The following TIPRL variants were observed in gnomAD, a reference collection of about 807,000 sequenced individuals.
TIPRL encodes the protein TIP41-like protein.
TIPRL carries 10 observed loss-of-function variants against 32.3 expected under a neutral mutation model. That is an observed-to-expected ratio of 0.31 (90% CI 0.19 to 0.52). The LOEUF (loss-of-function observed/expected upper bound fraction) is 0.52, where lower values mean the gene tolerates loss of function less well. TIPRL is among the 20% of genes least tolerant of loss of function. The probability of loss-of-function intolerance (pLI) is 0.96; values close to 1 mark genes in which losing one functional copy is unlikely to be tolerated. For missense variants in TIPRL, 250 were observed against 328.1 expected, an observed-to-expected ratio of 0.76 and a Z score of 1.84; for synonymous variants, 100 against 114.0, an observed-to-expected ratio of 0.88 and a Z score of 0.78.
chr1:168,196,684 CTTGT>C (rs1553279464), intron 5 of TIPRL, 42 bp downstream of exon 5: 6 of 1,380,632 alleles, frequency 4.3e-6, no homozygotes, highest in Non-Finnish European at 6.0e-6. Flanking sequence ...TGATACTGGG[CTTGT>C]TTGTGTTGTT....
chr1:168,199,790 A>G (rs1700190925), intron 6 of TIPRL, 113 bp from the exon 7 acceptor site: 2 of 1,032,062 alleles, frequency 1.9e-6, no homozygotes, highest in African/African-American at 1.6e-5. Flanking sequence ...ACATATGCAT[A>G]TATTGCACCT....
chr1:168,188,318 A>G (rs866969989), intron 3 of TIPRL, among the ~76,000 whole-genome samples: 2 of 152,204 alleles, frequency 1.3e-5, no homozygotes, highest in Non-Finnish European at 2.9e-5. Flanking sequence ...GAATATTCAT[A>G]GTCAAGGACA....
rs149141113 is a variant in TIPRL, at chr1:168,197,052, G to A, written c.612+410G>A. On this transcript the variant is annotated intron_variant, in intron 5 of 6. Transcript: ENST00000367833. ...GCCAAGGCCGGGCGCCGTAGCTCACGCCTGTAATCCCGGCACTTTGGGAGG... is the reference window on the plus strand; with the variant it reads ...GCCAAGGCCGGGCGCCGTAGCTCACACCTGTAATCCCGGCACTTTGGGAGG... 6.6e-4 allele frequency among the ~76,000 whole-genome samples: 101 copies of A among 152,292 alleles called. 1 individual carries two copies. In the East Asian group the frequency reaches 0.012, roughly 18 times the overall value.
At chr1:168,199,095 C>A in intron 6 of TIPRL, 114 bp downstream of exon 6, 2 of 711,464 alleles carry the variant, frequency 2.8e-6, no homozygotes, top group South Asian at 1.8e-5. Context: ...CCCATTCATT[C>A]ACCTAATGGG....
In TIPRL at chr1:168,200,884, C is replaced by G. The variant is rs530535024; in HGVS notation, c.*838C>G. Reference sequence around the variant, plus strand: ...AAAGGGTTTATTAGGGGTTGTTTTTCGCAAATATTACATCAATCCTTAAAG... The same window carrying G: ...AAAGGGTTTATTAGGGGTTGTTTTTGGCAAATATTACATCAATCCTTAAAG... On this transcript the variant is annotated 3_prime_UTR_variant, in exon 7 of 7. Coordinates refer to ENST00000367833, the MANE Select transcript of TIPRL (RefSeq NM_152902.5). The G allele has an allele frequency of 6.0e-4, 92 of 152,156 alleles. No homozygotes were observed. The highest frequency in any genetic ancestry group is 2.0e-3 in the African/African-American group (83 of 41,532). 9.4% of individuals were successfully genotyped at this position (152,156 alleles called of 1,614,324 possible). A position where few individuals can be genotyped will look rare whatever the true frequency, so the allele number is the denominator to read the frequency against.
chr1:168,192,877 T>C (rs1284257563), intron 4 of TIPRL, among the ~76,000 whole-genome samples: 1 of 147,276 alleles, frequency 6.8e-6, no homozygotes, highest in African/African-American at 2.6e-5. Flanking sequence ...CAAGCGAGAC[T>C]CCGTCTCAAA....
chr1:168,183,426 GAC>G (rs1417815995), intron 1 of TIPRL, among the ~76,000 whole-genome samples: 1 of 131,614 alleles, frequency 7.6e-6, no homozygotes, highest in African/African-American at 3.0e-5. Context: ...AATGTAAATT[GAC>G]ACAATCCTTC....
intron 4 of TIPRL, among the ~76,000 whole-genome samples, chr1:168,195,460 T>C (rs1010460571): frequency 6.6e-6 from 1 of 152,246 alleles, no homozygotes; most frequent in African/African-American, 2.4e-5. Flanking sequence ...ATAACCTTTT[T>C]GAGCATTGGG....
chr1:168,198,896 C>T (rs1284122885), intron 5 of TIPRL, 23 bp from the exon 6 acceptor site: 3 of 1,592,150 alleles, frequency 1.9e-6, no homozygotes, highest in Admixed American at 1.7e-5. Context: ...AAATTTATTG[C>T]AACTGTTTAT....
At position 168,184,223 on chromosome 1, in the gene TIPRL, T is replaced by C. The variant is rs1700001801; in HGVS notation, c.284+142T>C. 4 of 852,026 alleles carry C rather than the reference T, an allele frequency of 4.7e-6. No homozygotes were observed. The South Asian group carries it at 9.4e-5, about 20-fold the overall frequency. 52.8% of individuals were successfully genotyped at this position (852,026 alleles called of 1,614,324 possible). ...ATTATTAAACTTGAGAGTTGTATCA[T>C]TCTAGAATTCGTTTTTCTCAGACAT... On this transcript the variant is annotated intron_variant, in intron 2 of 6. Transcript: ENST00000367833.
chr1:168,183,775 C>A, intron 1 of TIPRL, 127 bp from the exon 2 acceptor site: 1 of 953,520 alleles, frequency 1.0e-6, no homozygotes, highest in Non-Finnish European at 1.6e-6. Flanking sequence ...GCAAATATAT[C>A]ATATTGATTA....
chr1:168,192,560 C>T (rs1700111741), intron 4 of TIPRL, among the ~76,000 whole-genome samples: 1 of 152,166 alleles, frequency 6.6e-6, no homozygotes, highest in Admixed American at 6.5e-5. Flanking sequence ...TTCACAACTC[C>T]GTTACACAGA....
intron 4 of TIPRL, among the ~76,000 whole-genome samples, chr1:168,192,624 C>T (rs570505192): frequency 5.9e-5 from 9 of 152,340 alleles, no homozygotes; most frequent in African/African-American, 1.2e-4. Flanking sequence ...TTAGGCCGGG[C>T]GCGGTGGCCC....
intron 3 of TIPRL, among the ~76,000 whole-genome samples, chr1:168,190,988 C>T (rs1321167887): frequency 1.2e-4 from 18 of 152,148 alleles, no homozygotes; most frequent in Admixed American, 1.1e-3. Context: ...TATGAATGTC[C>T]TAAAAGTGGC....
At chr1:168,192,938 TTGTCATGAGATC>T (rs1445153417) in intron 4 of TIPRL, among the ~76,000 whole-genome samples, 1 of 152,170 alleles carries the variant, frequency 6.6e-6, no homozygotes, top group Non-Finnish European at 1.5e-5. Flanking sequence ...ATTATAGCAT[TTGTCATGAGATC>T]TGTCAAAGAC....
At chr1:168,183,332 T>C (rs1235754297) in intron 1 of TIPRL, among the ~76,000 whole-genome samples, 1 of 151,868 alleles carries the variant, frequency 6.6e-6, no homozygotes, top group Non-Finnish European at 1.5e-5. Context: ...ATTCTAAAAC[T>C]GATACTTTGG....
Position 168,199,978 on chromosome 1 carries a change from A to G in TIPRL, c.751A>G (p.Lys251Glu). The G allele has an allele frequency of 6.2e-7, 1 of 1,613,714 alleles. No homozygotes were observed. Among genetic ancestry groups the G allele is most frequent in the Non-Finnish European group, 8.5e-7 (1 of 1,179,748 alleles). The stretch of plus-strand genomic sequence containing the variant: ...ACCAATAAAGGAAGCAGTTTGTGAG[A>G]AGCTAATATTTCCAGAAAGAATTGA... The part of the protein sequence containing the change: ...YLPIKEAVCE[K>E]LIFPERIDPN... Residue 251 changes from lysine to glutamate, a missense_variant, in exon 7 of 7, where the codon AAG (lysine) becomes GAG (glutamate). Physicochemically the swap from Lys to Glu is moderately conservative, Grantham distance 56 (BLOSUM62 1). Transcript: ENST00000367833.
rs968822574 is a variant in TIPRL, at chr1:168,180,272, T to C, written c.104+1091T>C. 9.3e-4 allele frequency among the ~76,000 whole-genome samples: 141 copies of C among 152,286 alleles called. 1 individual carries two copies. Among genetic ancestry groups the C allele is most frequent in the Non-Finnish European group, 5.7e-4 (39 of 68,022 alleles). ...GAGTCTATGCTGATGACAAGATCTCTGGCTTGGATTTTTGCATGTATCGTA... is the reference window on the plus strand; with the variant it reads ...GAGTCTATGCTGATGACAAGATCTCCGGCTTGGATTTTTGCATGTATCGTA... On this transcript the variant is annotated intron_variant, in intron 1 of 6. Coordinates refer to ENST00000367833, the MANE Select transcript of TIPRL (RefSeq NM_152902.5).
intron 4 of TIPRL, 40 bp downstream of exon 4, chr1:168,191,540 A>G (rs1700096246): frequency 7.2e-7 from 1 of 1,396,890 alleles, no homozygotes; most frequent in Non-Finnish European, 9.3e-7. Flanking sequence ...TTTTTCTTGC[A>G]TTCTTAACAT....
Sources: gnomAD v4.1 joint callset for allele counts (sites outside exome capture counted in the v4.1 genomes callset) on GRCh38, gnomAD v4.1.1 for gene constraint, MANE v1.5 for transcripts, NCBI Gene and HGNC (gene_info 2026-07-23, HGNC 2026-07-21) for gene names.